FPGT: variants seen among roughly 807,000 people sequenced by gnomAD.
The protein encoded by FPGT is GDP-L-fucose diphosphorylase.
Under a neutral mutation model 45.8 loss-of-function variants are expected in FPGT, and 41 were observed. The observed-to-expected ratio is 0.90, with a 90% CI of 0.70 to 1.16. FPGT has a LOEUF of 1.16. Ranked by LOEUF, FPGT falls within the 50% of genes most tolerant of loss-of-function variation. The pLI, the probability that FPGT is intolerant of heterozygous loss-of-function variation, is 0.00. For synonymous variants in FPGT, 292 were observed against 247.2 expected, an observed-to-expected ratio of 1.18 and a Z score of -1.70; for missense variants, 755 against 689.1, an observed-to-expected ratio of 1.10 and a Z score of -1.07.
intron 1 of FPGT, among the ~76,000 whole-genome samples, chr1:74,198,951 T>G (rs1321947181): frequency 6.6e-6 from 1 of 152,358 alleles, no homozygotes; most frequent in East Asian, 1.9e-4. Flanking sequence ...TGGATAACAG[T>G]AAAACTTTCA....
Position 74,204,605 on chromosome 1 carries a change from T to A in FPGT, c.558T>A (p.Pro186=). 1 of 1,613,690 alleles carries A rather than the reference T, an allele frequency of 6.2e-7. No homozygotes were observed. The highest frequency in any genetic ancestry group is 8.5e-7 in the Non-Finnish European group (1 of 1,179,608). ...GEFEFIRFDK[P]GFTALAHPSS... is the part of the protein sequence containing the mutation. ...TTGAGTTTATTAGGTTTGACAAACC[T>A]GGCTTTACTGCTTTAGCTCATCCTT... The change falls in exon 4 of 4, where the codon CCT becomes CCA. Residue 186 remains proline (P), a synonymous_variant. Coordinates refer to ENST00000370898, the MANE Select transcript of FPGT (RefSeq NM_003838.5).
At position 74,208,217 on chromosome 1, in the gene FPGT, A is replaced by G. The variant is rs1174246337; in HGVS notation, c.*2385A>G. Among the ~76,000 whole-genome samples the G allele has an allele frequency of 6.6e-6, 1 of 151,760 alleles. No homozygotes were observed. Among genetic ancestry groups the G allele is most frequent in the African/African-American group, 2.4e-5 (1 of 41,196 alleles). On this transcript the variant is annotated 3_prime_UTR_variant, in exon 4 of 4. Transcript: ENST00000370898. ...TTCTAACCTAAGTATGTGTTTTAAT[A>G]AAAGGATCTAGGCAAAAAAAAAAAA...
rs1652092845 is a variant in FPGT at position 74,204,539 on chromosome 1, T to C, written c.492T>C (p.Val164=). 6.2e-7 allele frequency: 1 copy of C among 1,609,008 alleles called. No homozygotes were observed. Among genetic ancestry groups the C allele is most frequent in the Non-Finnish European group, 8.5e-7 (1 of 1,175,478 alleles). ...TAAATATGAATCCTGGAATTCTGGT[T>C]ACCTGTGCAGATGATATTGAACTTT... The part of the protein sequence containing the change: ...FPLNMNPGIL[V]TCADDIELYS... The change falls in exon 4 of 4, where the codon GTT becomes GTC. Residue 164 remains valine (V), a synonymous_variant. Transcript: ENST00000370898.
chr1:74,199,971 A>G, intron 2 of FPGT, 140 bp downstream of exon 2: 2 of 1,029,876 alleles, frequency 1.9e-6, no homozygotes, highest in African/African-American at 1.6e-5. Flanking sequence ...ACATAAATTG[A>G]CTTTTTTTAG....
chr1:74,199,915 T>TA, intron 2 of FPGT, 84 bp downstream of exon 2: 1 of 1,432,844 alleles, frequency 7.0e-7, no homozygotes, highest in South Asian at 1.4e-5. Flanking sequence ...TTACAGTGTA[T>TA]AAGCTGCATA....
rs1197105302 is a variant in FPGT at position 74,205,534 on chromosome 1, G to C, written c.1487G>C (p.Cys496Ser). 6.2e-7 allele frequency: 1 copy of C among 1,612,266 alleles called. No individual in the cohort carries two copies. The highest frequency in any genetic ancestry group is 2.2e-5 in the East Asian group (1 of 44,862). The part of the protein sequence containing the change: ...DIKLLQFFGV[C>S]FLSCLDVWNL... ...AAGTTACTTCAATTCTTTGGAGTCT[G>C]TTTCCTGTCATGCTTAGATGTTTGG... Residue 496 changes from cysteine (C) to serine (S), a missense_variant, in exon 4 of 4, where the codon TGT becomes TCT. Coordinates refer to ENST00000370898, the MANE Select transcript of FPGT (RefSeq NM_003838.5).
At chr1:74,204,245 T>C (rs904512466) in intron 3 of FPGT, 146 bp from the exon 4 acceptor site, 3 of 484,048 alleles carry the variant, frequency 6.2e-6, no homozygotes, top group Non-Finnish European at 1.1e-5. Flanking sequence ...CATTATTCTT[T>C]CCTGATTTGC....
At chr1:74,199,904 C>G (rs1651625707) in intron 2 of FPGT, 73 bp downstream of exon 2, 1 of 1,524,058 alleles carries the variant, frequency 6.6e-7, no homozygotes. Context: ...GTTTCTGTGA[C>G]TTACAGTGTA....
chr1:74,204,735 A>G lies in FPGT; in HGVS notation c.688A>G (p.Lys230Glu), dbSNP rs542066398. 2.5e-6 allele frequency: 4 copies of G among 1,614,110 alleles called. No individual in the cohort carries two copies. In the South Asian group the frequency reaches 4.4e-5, roughly 18 times the overall value. ...CAGGTCTTGCCATCGTTTCCTTCAT[A>G]AGCCCAGCATAGAAAAGATGTATCA... ...EYRSCHRFLH[K>E]PSIEKMYQFN... Residue 230 changes from lysine (K) to glutamate (E), a missense_variant, in exon 4 of 4, where the codon AAG becomes GAG. By Grantham distance (56) the Lys-to-Glu change is moderately conservative. Transcript: ENST00000370898.
At chr1:74,203,135 T>G (rs796161091) in intron 3 of FPGT, among the ~76,000 whole-genome samples, 19 of 152,312 alleles carry the variant, frequency 1.2e-4, no homozygotes, top group African/African-American at 4.6e-4. Flanking sequence ...ATATACATAA[T>G]TGTATGTTCT....
rs1161478981 is a variant in FPGT at position 74,207,620 on chromosome 1, T to C, written c.*1788T>C. Among the ~76,000 whole-genome samples, 2 of 152,064 alleles carry C rather than the reference T, an allele frequency of 1.3e-5. No individual in the cohort carries two copies. Among genetic ancestry groups the C allele is most frequent in the Non-Finnish European group, 2.9e-5 (2 of 67,970 alleles). On this transcript the variant is annotated 3_prime_UTR_variant, in exon 4 of 4. Coordinates refer to ENST00000370898, the MANE Select transcript of FPGT (RefSeq NM_003838.5). ...GTCCTTAGAAGATCGGACCTGTGAT[T>C]CTATTCAAAGTCAGAAAGAGATTTC... is the stretch of plus-strand genomic sequence containing the variant.
chr1:74,201,396 TATTA>T lies in FPGT; in HGVS notation c.333_336del (p.Leu111PhefsTer33), dbSNP rs1456918757. On this transcript the variant is annotated frameshift_variant, in exon 3 of 4. Transcript: ENST00000370898. LOFTEE classifies it high-confidence loss of function. ...GATAAATGGAATTCTTTTACCATCT[TATTA>T]ATTCACTCTGGTAATGTTATACTTT... The T allele has an allele frequency of 3.7e-6, 6 of 1,606,110 alleles. No homozygotes were observed. Among genetic ancestry groups the T allele is most frequent in the Non-Finnish European group, 5.1e-6 (6 of 1,174,834 alleles).
chr1:74,203,957 G>A (rs903179330), intron 3 of FPGT, among the ~76,000 whole-genome samples: 12 of 151,506 alleles, frequency 7.9e-5, no homozygotes, highest in Admixed American at 5.9e-4. Flanking sequence ...CAGGAGAATC[G>A]CTTGAACCTG....
chr1:74,205,487 T>C lies in FPGT; in HGVS notation c.1440T>C (p.Ser480=), dbSNP rs1652203162. ...GAGTGCAAGACAACTTGAAAAAGAG[T>C]GTGAAAACATTGTCAGATATAAAGT... The part of the protein sequence containing the change: ...AFGVQDNLKK[S]VKTLSDIKLL... Residue 480 remains serine, a synonymous_variant, in exon 4 of 4, where the codon AGT becomes AGC. Transcript: ENST00000370898. The C allele has an allele frequency of 6.2e-7, 1 of 1,613,250 alleles. No individual in the cohort carries two copies. Among genetic ancestry groups the C allele is most frequent in the Non-Finnish European group, 8.5e-7 (1 of 1,179,284 alleles).
Position 74,201,318 on chromosome 1 carries a change from G to GA in FPGT, c.254dup (p.Asn85LysfsTer19). On this transcript the variant is annotated frameshift_variant and splice_region_variant, in exon 3 of 4. Transcript: ENST00000370898. LOFTEE classifies it high-confidence loss of function. ...GTGCTTTTTTAACTTTGTTTTTAAG[G>GA]AAATGGAGGATCAACACTTTGTGCC... is the stretch of plus-strand genomic sequence containing the variant. 6.2e-7 allele frequency: 1 copy of GA among 1,607,242 alleles called. No homozygotes were observed. Among genetic ancestry groups the GA allele is most frequent in the Non-Finnish European group, 8.5e-7 (1 of 1,177,918 alleles).
Position 74,206,862 on chromosome 1 carries a change from TTATAAG to T in FPGT, c.*1032_*1037del, listed in dbSNP as rs1467992340. Reference sequence around the variant, plus strand: ...GGTATAAGCATATAAGTGAAAAGTCTTATAAGTGTAATAGAGAAAAGATTTGTCAGT... The same window carrying T: ...GGTATAAGCATATAAGTGAAAAGTCTTGTAATAGAGAAAAGATTTGTCAGT... On this transcript the variant is annotated 3_prime_UTR_variant, in exon 4 of 4. Coordinates refer to ENST00000370898, the MANE Select transcript of FPGT (RefSeq NM_003838.5). The T allele has an allele frequency of 1.3e-5, 2 of 152,110 alleles. No homozygotes were observed. The highest frequency in any genetic ancestry group is 2.9e-5 in the Non-Finnish European group (2 of 67,986). The allele number at this position is 152,110 out of a possible 1,614,324, so 9.4% of individuals were successfully genotyped here.
chr1:74,205,541 G>C lies in FPGT; in HGVS notation c.1494G>C (p.Leu498=), dbSNP rs776529803. The C allele has an allele frequency of 8.7e-6, 14 of 1,613,184 alleles. No individual in the cohort carries two copies. The South Asian group carries it at 1.5e-4, about 18-fold the overall frequency. The part of the protein sequence containing the change: ...KLLQFFGVCF[L]SCLDVWNLKV... ...TTCAATTCTTTGGAGTCTGTTTCCTGTCATGCTTAGATGTTTGGAATCTTA... is the reference window on the plus strand; with the variant it reads ...TTCAATTCTTTGGAGTCTGTTTCCTCTCATGCTTAGATGTTTGGAATCTTA... The change falls in exon 4 of 4, where the codon CTG becomes CTC. Residue 498 remains leucine, a synonymous_variant. Transcript: ENST00000370898.
In FPGT at chr1:74,198,247, C is replaced by G. The variant is rs76672163; in HGVS notation, c.-32C>G. The G allele has an allele frequency of 1.9e-6, 3 of 1,609,582 alleles. No individual in the cohort carries two copies. In the Admixed American group the frequency reaches 5.0e-5, roughly 27 times the overall value. On this transcript the variant is annotated 5_prime_UTR_variant, in exon 1 of 4. Transcript: ENST00000370898. Reference sequence around the variant, plus strand: ...AGGCGCACCCCAGGGCGCATGCGTGCTGTGCGGCGCGGTCTCAGGGAAGGT... The same window carrying G: ...AGGCGCACCCCAGGGCGCATGCGTGGTGTGCGGCGCGGTCTCAGGGAAGGT...
rs201412617 is a variant in FPGT at position 74,204,738 on chromosome 1, C to T, written c.691C>T (p.Pro231Ser). ...YRSCHRFLHK[P>S]SIEKMYQFNA... ...GTCTTGCCATCGTTTCCTTCATAAG[C>T]CCAGCATAGAAAAGATGTATCAGTT... is the stretch of plus-strand genomic sequence containing the variant. Residue 231 changes from proline (P) to serine (S), a missense_variant, in exon 4 of 4, where the codon CCC becomes TCC. Pro to Ser is a moderately conservative substitution (Grantham distance 74). Transcript: ENST00000370898. 46 of 1,613,996 alleles carry T rather than the reference C, an allele frequency of 2.9e-5. No homozygotes were observed. In the East Asian group the frequency reaches 9.1e-4, roughly 32 times the overall value.
Sources: gnomAD v4.1 joint callset for allele counts (sites outside exome capture counted in the v4.1 genomes callset) on GRCh38, gnomAD v4.1.1 for gene constraint, MANE v1.5 for transcripts, NCBI Gene and HGNC (gene_info 2026-07-23, HGNC 2026-07-21) for gene names.